The following XRN2 variants were observed in gnomAD, a reference collection of about 807,000 sequenced individuals.
The protein encoded by XRN2 is DHM1-like protein.
A neutral mutation model predicts 138.5 loss-of-function variants in XRN2; 44 were observed. The ratio of observed to expected loss-of-function variants is 0.32; its 90% CI spans 0.25 to 0.41. The LOEUF is 0.41. Among genes scored for constraint, XRN2 ranks in the 10% least tolerant of loss-of-function variants. The pLI is 1.00. For synonymous variants in XRN2, 354 were observed against 369.4 expected (o/e 0.96, Z 0.48); for missense variants, 937 against 1,169.3 (o/e 0.80, Z 2.90).
chr20:21,349,558 C>G (rs1270062818), intron 20 of XRN2, 97 bp downstream of exon 20: 5 of 1,041,962 alleles, frequency 4.8e-6, no homozygotes, highest in Non-Finnish European at 7.2e-6. Context: ...GCCTGGGCAA[C>G]ATGGTGAAAT....
chr20:21,378,654 CT>C (rs2038850989), intron 27 of XRN2, among the ~76,000 whole-genome samples: 1 of 152,086 alleles, frequency 6.6e-6, no homozygotes, highest in African/African-American at 2.4e-5. Flanking sequence ...ATCATCTTTC[CT>C]TTTATAGAAT....
rs1048813098 is a variant in XRN2, at chr20:21,321,438, C to T, written c.76-4841C>T. Among the ~76,000 whole-genome samples the T allele has an allele frequency of 2.6e-5, 4 of 151,850 alleles. No individual in the cohort carries two copies. In the South Asian group the frequency reaches 6.2e-4, roughly 24 times the overall value. On this transcript the variant is annotated intron_variant, in intron 1 of 29. Coordinates refer to ENST00000377191, the MANE Select transcript of XRN2 (RefSeq NM_012255.5). ...CCAACTCCTGGGCTCATGCAGACCT[C>T]TGCCTTAATCTCCTAGGTAGCTGGG...
At chr20:21,376,479 G>T (rs1457020469) in intron 27 of XRN2, among the ~76,000 whole-genome samples, 1 of 152,050 alleles carries the variant, frequency 6.6e-6, no homozygotes, top group African/African-American at 2.4e-5. Context: ...TTGTAAGTTG[G>T]CTGTTCTTGT....
Position 21,349,476 on chromosome 20 carries a change from T to G in XRN2, c.1936+15T>G, listed in dbSNP as rs76032605. On this transcript the variant is annotated intron_variant, in intron 20 of 29. Transcript: ENST00000377191. Reference sequence around the variant, plus strand: ...TGCATGGCAAGGTAAAATTTAGACGTTCTTTTCTGGTAAAACTGTGAACAA... The same window carrying G: ...TGCATGGCAAGGTAAAATTTAGACGGTCTTTTCTGGTAAAACTGTGAACAA... 84,360 of 1,557,218 alleles carry G rather than the reference T, an allele frequency of 0.054. 2,770 individuals are homozygous for G. The highest frequency in any genetic ancestry group is 0.15 in the East Asian group (6,600 of 44,370).
rs570625573 is a variant in XRN2 at position 21,356,068 on chromosome 20, C to T, written c.2021-12C>T. ...TTTTATGTGTAGGTCTTATTCTTTT[C>T]TTTCTCCCTAGCCAGAAGAAACAGC... On this transcript the variant is annotated splice_polypyrimidine_tract_variant and intron_variant, in intron 21 of 29. Coordinates refer to ENST00000377191, the MANE Select transcript of XRN2 (RefSeq NM_012255.5). 9.4e-6 allele frequency: 15 copies of T among 1,600,934 alleles called. No individual in the cohort carries two copies. In the South Asian group the frequency reaches 1.7e-4, roughly 18 times the overall value.
chr20:21,386,069 T>A (rs2038933715), intron 28 of XRN2, among the ~76,000 whole-genome samples: 1 of 152,230 alleles, frequency 6.6e-6, no homozygotes, highest in Admixed American at 6.5e-5. Context: ...TATGTGACAG[T>A]TTTTAATTAA....
intron 1 of XRN2, among the ~76,000 whole-genome samples, chr20:21,317,886 G>C: frequency 6.6e-6 from 1 of 152,292 alleles, no homozygotes; most frequent in Admixed American, 6.5e-5. Flanking sequence ...ATGCTCATAA[G>C]AGATGCTGGT....
intron 27 of XRN2, among the ~76,000 whole-genome samples, chr20:21,374,936 C>T (rs2038801991): frequency 6.9e-6 from 1 of 144,374 alleles, no homozygotes; most frequent in African/African-American, 2.5e-5. Flanking sequence ...AAAAGGTTTT[C>T]AATTATAGAT....
chr20:21,362,205 T>C (rs2038644925), intron 24 of XRN2, among the ~76,000 whole-genome samples: 1 of 152,172 alleles, frequency 6.6e-6, no homozygotes, highest in Admixed American at 6.5e-5. Flanking sequence ...TAATGGAATT[T>C]TAAAAACAAT....
At chr20:21,334,890 A>T (rs2038264143) in intron 13 of XRN2, among the ~76,000 whole-genome samples, 1 of 152,140 alleles carries the variant, frequency 6.6e-6, no homozygotes, top group Non-Finnish European at 1.5e-5. Flanking sequence ...AAAGTCCATT[A>T]AGCAGTTGAA....
At position 21,377,264 on chromosome 20, in the gene XRN2, C is replaced by CTTTTTTTTTTTTTTTTTTTTTTTTT. The variant is rs761622310; in HGVS notation, c.2585-4716_2585-4715insTTTTTTTTTTTTTTTTTTTTTTTTT. On this transcript the variant is annotated intron_variant, in intron 27 of 29. Coordinates refer to ENST00000377191, the MANE Select transcript of XRN2 (RefSeq NM_012255.5). ...CCAACATATGATTTGTCGGTTTTTT[C>CTTTTTTTTTTTTTTTTTTTTTTTTT]TTTTTTTTTTTTTTGGTCAGTCTTG... 1.9e-3 allele frequency among the ~76,000 whole-genome samples: 155 copies of CTTTTTTTTTTTTTTTTTTTTTTTTT among 82,774 alleles called. 27 individuals are homozygous for CTTTTTTTTTTTTTTTTTTTTTTTTT. The highest frequency in any genetic ancestry group is 4.3e-3 in the East Asian group (8 of 1,842). 54.3% of individuals were successfully genotyped at this position (82,774 alleles called of 152,430 possible).
intron 13 of XRN2, among the ~76,000 whole-genome samples, chr20:21,336,147 A>T (rs929229583): frequency 6.6e-6 from 1 of 152,182 alleles, no homozygotes; most frequent in Non-Finnish European, 1.5e-5. Flanking sequence ...AGAACAAATG[A>T]TAGAAAAGGA....
chr20:21,324,328 A>G (rs2038091588), intron 1 of XRN2, among the ~76,000 whole-genome samples: 1 of 152,078 alleles, frequency 6.6e-6, no homozygotes, highest in African/African-American at 2.4e-5. Context: ...CTTGAAGCCC[A>G]GTTGCATTCC....
chr20:21,345,137 CT>C (rs1407364485), intron 16 of XRN2, among the ~76,000 whole-genome samples: 1 of 152,204 alleles, frequency 6.6e-6, no homozygotes, highest in East Asian at 1.9e-4. Flanking sequence ...CTATCCTCTA[CT>C]TTCTGTACTT....
Position 21,304,598 on chromosome 20 carries a change from T to C in XRN2, c.75+1125T>C, listed in dbSNP as rs529473440. On this transcript the variant is annotated intron_variant, in intron 1 of 29. Transcript: ENST00000377191. ...CCTTTAACTGTTTTGGTTCTGTCTCTAAGTATCATACTTATACGTTATCAC... is the reference window on the plus strand; with the variant it reads ...CCTTTAACTGTTTTGGTTCTGTCTCCAAGTATCATACTTATACGTTATCAC... Among the ~76,000 whole-genome samples, 11 of 152,356 alleles carry C rather than the reference T, an allele frequency of 7.2e-5. No individual in the cohort carries two copies. In the South Asian group the frequency reaches 2.1e-3, roughly 29 times the overall value.
At chr20:21,335,715 C>G (rs2038277804) in intron 13 of XRN2, among the ~76,000 whole-genome samples, 1 of 152,238 alleles carries the variant, frequency 6.6e-6, no homozygotes, top group Non-Finnish European at 1.5e-5. Context: ...CTTTGTACCA[C>G]TTGGTTTAAA....
In XRN2 at chr20:21,349,402, T is replaced by C. The variant is rs775833038; in HGVS notation, c.1877T>C (p.Ile626Thr). 4 of 1,600,654 alleles carry C rather than the reference T, an allele frequency of 2.5e-6. No homozygotes were observed. Among genetic ancestry groups the C allele is most frequent in the African/African-American group, 2.7e-5 (2 of 74,794 alleles). ...KLMSDPDSSIIDFYPEDFAID... is the reference protein window; with the variant it reads ...KLMSDPDSSITDFYPEDFAID... ...TCCCTAATATAGGATTCTAGTATAATTGACTTCTATCCTGAAGATTTTGCT... is the reference window on the plus strand; with the variant it reads ...TCCCTAATATAGGATTCTAGTATAACTGACTTCTATCCTGAAGATTTTGCT... The change falls in exon 20 of 30, where the codon ATT becomes ACT. Residue 626 changes from isoleucine to threonine, a missense_variant. This residue lies in a region of XRN2 where 372 missense variants were observed against 414.4 expected (regional missense o/e 0.90). Transcript: ENST00000377191.
chr20:21,380,898 A>G (rs1478718963), intron 27 of XRN2, among the ~76,000 whole-genome samples: 2 of 152,226 alleles, frequency 1.3e-5, no homozygotes, highest in East Asian at 3.8e-4. Flanking sequence ...CCTTCTCAGC[A>G]TGTCGAGATG....
rs1174719034 is a variant in XRN2, at chr20:21,389,611, C to T, written c.*273C>T. The T allele has an allele frequency of 7.0e-6, 2 of 284,302 alleles. No individual in the cohort carries two copies. Among genetic ancestry groups the T allele is most frequent in the Non-Finnish European group, 1.3e-5 (2 of 151,902 alleles). The allele number at this position is 284,302 out of a possible 1,614,324, so 17.6% of individuals were successfully genotyped here. The stretch of plus-strand genomic sequence containing the variant: ...TTTTTCATAATGGTTAAAAATGAAA[C>T]CAGCTGTGGATTTCAAAACACAGTG... On this transcript the variant is annotated 3_prime_UTR_variant, in exon 30 of 30. Coordinates refer to ENST00000377191, the MANE Select transcript of XRN2 (RefSeq NM_012255.5).
Sources: allele counts gnomAD v4.1 joint callset (sites outside exome capture counted in the v4.1 genomes callset), GRCh38; gene constraint gnomAD v4.1.1; regional missense constraint gnomAD v4.1.1; transcripts MANE v1.5; gene names NCBI Gene and HGNC (gene_info 2026-07-23, HGNC 2026-07-21).